Variants in NDFIP2 observed in about 807,000 individuals in gnomAD.
NDFIP2 encodes the protein Nedd4 family interacting protein 2, also known as NEDD4 family-interacting protein 2.
NDFIP2 carries 19 observed loss-of-function variants against 36.0 expected under a neutral mutation model. The ratio of observed to expected loss-of-function variants is 0.53; its 90% CI spans 0.37 to 0.77. The LOEUF is 0.77. Among genes scored for constraint, NDFIP2 ranks in the 30% least tolerant of loss-of-function variants. The pLI is 0.00. For synonymous variants in NDFIP2, 181 were observed against 167.7 expected (o/e 1.08, Z -0.61); for missense variants, 446 against 435.8 (o/e 1.02, Z -0.21).
chr13:79,547,862 AG>A (rs1178214200), intron 5 of NDFIP2, among the ~76,000 whole-genome samples: 1 of 152,148 alleles, frequency 6.6e-6, no homozygotes, highest in Non-Finnish European at 1.5e-5. Flanking sequence ...GGTGTACAGA[AG>A]GTCAAAAGCT....
intron 7 of NDFIP2, among the ~76,000 whole-genome samples, chr13:79,551,919 G>C (rs185416327): frequency 6.6e-6 from 1 of 151,362 alleles, no homozygotes; most frequent in Admixed American, 6.6e-5. Flanking sequence ...ATGTCTACTA[G>C]TACTTAACTT....
At chr13:79,487,228 A>AT (rs1873038166) in intron 1 of NDFIP2, among the ~76,000 whole-genome samples, 1 of 151,836 alleles carries the variant, frequency 6.6e-6, no homozygotes, top group Non-Finnish European at 1.5e-5. Context: ...GACTGTTCTG[A>AT]TTTTTTCACT....
rs1302434547 is a variant in NDFIP2 at position 79,554,044 on chromosome 13, A to T, written c.*1531A>T. The stretch of plus-strand genomic sequence containing the variant: ...TTTATAACCTCTTCTGTATTTTCTA[A>T]TTTTTTCATTGTCTTTGATAAATAA... On this transcript the variant is annotated 3_prime_UTR_variant, in exon 8 of 8. Coordinates refer to ENST00000218652, the MANE Select transcript of NDFIP2 (RefSeq NM_019080.3). 6.6e-6 allele frequency: 1 copy of T among 151,266 alleles called. No homozygotes were observed. The highest frequency in any genetic ancestry group is 1.5e-5 in the Non-Finnish European group (1 of 67,498). The allele number at this position is 151,266 out of a possible 1,614,324, so 9.4% of individuals were successfully genotyped here.
At chr13:79,483,663 T>G (rs1478587988) in intron 1 of NDFIP2, among the ~76,000 whole-genome samples, 2 of 152,222 alleles carry the variant, frequency 1.3e-5, no homozygotes, top group Non-Finnish European at 2.9e-5. Flanking sequence ...AAACAGCTTT[T>G]CATACTGGAA....
chr13:79,520,137 A>G (rs1874511569), intron 1 of NDFIP2, among the ~76,000 whole-genome samples: 1 of 152,076 alleles, frequency 6.6e-6, no homozygotes, highest in South Asian at 2.1e-4. Context: ...GGGAAAACCT[A>G]CTTAGCGTAC....
Position 79,555,628 on chromosome 13 carries a change from T to C in NDFIP2, c.*3115T>C, listed in dbSNP as rs1876083509. 6.6e-6 allele frequency: 1 copy of C among 152,230 alleles called. No individual in the cohort carries two copies. The highest frequency in any genetic ancestry group is 1.5e-5 in the Non-Finnish European group (1 of 67,970). The allele number at this position is 152,230 out of a possible 1,614,324, so 9.4% of individuals were successfully genotyped here. ...TTCCAGCTTATCGTAAATACTAAAC[T>C]GAATGGCTTTTATATTTTTAACTGC... On this transcript the variant is annotated 3_prime_UTR_variant, in exon 8 of 8. Coordinates refer to ENST00000218652, the MANE Select transcript of NDFIP2 (RefSeq NM_019080.3).
In NDFIP2 at chr13:79,507,297, G is replaced by A. The variant is rs1189269140; in HGVS notation, c.322-13513G>A. 2.0e-4 allele frequency among the ~76,000 whole-genome samples: 3 copies of A among 15,284 alleles called. 1 individual carries two copies. Among genetic ancestry groups the A allele is most frequent in the Non-Finnish European group, 2.7e-4 (3 of 11,158 alleles). 10.0% of individuals were successfully genotyped at this position (15,284 alleles called of 152,430 possible). A position where few individuals can be genotyped will look rare whatever the true frequency, so the allele number is the denominator to read the frequency against. On this transcript the variant is annotated intron_variant, in intron 1 of 7. Transcript: ENST00000218652. The stretch of plus-strand genomic sequence containing the variant: ...TTTTTTTTTTTTTTTTTTTTGAGAC[G>A]GAGTCTCGCTCTGTCGCCCAGGCTG...
chr13:79,513,223 A>G (rs942974266), intron 1 of NDFIP2, among the ~76,000 whole-genome samples: 4 of 152,204 alleles, frequency 2.6e-5, no homozygotes, highest in African/African-American at 7.2e-5. Context: ...TAATTCCCAC[A>G]GAAATTACTG....
chr13:79,547,839 A>T lies in NDFIP2; in HGVS notation c.841-489A>T, dbSNP rs574021014. Among the ~76,000 whole-genome samples the T allele has an allele frequency of 2.0e-4, 31 of 152,250 alleles. 1 individual carries two copies. The South Asian group carries it at 6.2e-3, about 31-fold the overall frequency. ...TATGCACCTAGTATTTTTGGCAGTG[A>T]TTAACAGTAGGGGGTGTACAGAAGG... On this transcript the variant is annotated intron_variant, in intron 5 of 7. Transcript: ENST00000218652.
chr13:79,493,660 T>C (rs1873328299), intron 1 of NDFIP2, among the ~76,000 whole-genome samples: 4 of 152,184 alleles, frequency 2.6e-5, no homozygotes, highest in African/African-American at 9.6e-5. Flanking sequence ...ACCGTAAACG[T>C]AGCAACAGAG....
At chr13:79,508,495 A>G (rs2140752402) in intron 1 of NDFIP2, among the ~76,000 whole-genome samples, 1 of 152,336 alleles carries the variant, frequency 6.6e-6, no homozygotes, top group South Asian at 2.1e-4. Context: ...TGGGTGGATC[A>G]TTCATGCCTC....
intron 4 of NDFIP2, among the ~76,000 whole-genome samples, chr13:79,542,673 GACACT>G (rs1875504427): frequency 1.3e-5 from 2 of 151,880 alleles, no homozygotes; most frequent in South Asian, 4.2e-4. Flanking sequence ...GGGTTATCTG[GACACT>G]ACACATCTTG....
rs1876091010 is a variant in NDFIP2 at position 79,555,844 on chromosome 13, G to A, written c.*3331G>A. 1 of 152,102 alleles carries A rather than the reference G, an allele frequency of 6.6e-6. No homozygotes were observed. The highest frequency in any genetic ancestry group is 2.4e-5 in the African/African-American group (1 of 41,426). The allele number at this position is 152,102 out of a possible 1,614,324, so 9.4% of individuals were successfully genotyped here. A position where few individuals can be genotyped will look rare whatever the true frequency, so the allele number is the denominator to read the frequency against. On this transcript the variant is annotated 3_prime_UTR_variant, in exon 8 of 8. Transcript: ENST00000218652. Reference sequence around the variant, plus strand: ...TTGTTAATAAAGTTGTATAGATGTGGAAGTGTGAACCTGTGATGCATCCTT... The same window carrying A: ...TTGTTAATAAAGTTGTATAGATGTGAAAGTGTGAACCTGTGATGCATCCTT...
At chr13:79,482,684 A>G (rs1341852800) in intron 1 of NDFIP2, among the ~76,000 whole-genome samples, 1 of 152,218 alleles carries the variant, frequency 6.6e-6, no homozygotes, top group Non-Finnish European at 1.5e-5. Flanking sequence ...ATATGAAGGA[A>G]CTGTAAGATG....
intron 1 of NDFIP2, among the ~76,000 whole-genome samples, chr13:79,513,135 G>T (rs990742087): frequency 6.6e-6 from 1 of 152,168 alleles, no homozygotes; most frequent in East Asian, 1.9e-4. Context: ...AGCCATGCTG[G>T]CTGGGTACCA....
chr13:79,534,852 C>G (rs969379169), intron 3 of NDFIP2, among the ~76,000 whole-genome samples: 1 of 152,146 alleles, frequency 6.6e-6, no homozygotes, highest in Non-Finnish European at 1.5e-5. Flanking sequence ...TTTCTTTGAT[C>G]AGCAATAACC....
chr13:79,489,430 T>A (rs1243714198), intron 1 of NDFIP2, among the ~76,000 whole-genome samples: 1 of 152,198 alleles, frequency 6.6e-6, no homozygotes, highest in Non-Finnish European at 1.5e-5. Flanking sequence ...AGTATCCTAT[T>A]GGTCAGAGCA....
At chr13:79,497,828 G>T (rs1453240062) in intron 1 of NDFIP2, among the ~76,000 whole-genome samples, 1 of 150,300 alleles carries the variant, frequency 6.7e-6, no homozygotes, top group Non-Finnish European at 1.5e-5. Flanking sequence ...GTGTGTGTGT[G>T]TATGTGTGTA....
chr13:79,513,809 C>G (rs950975713), intron 1 of NDFIP2, among the ~76,000 whole-genome samples: 2 of 151,588 alleles, frequency 1.3e-5, no homozygotes, highest in African/African-American at 4.9e-5. Flanking sequence ...AATTGTAGGA[C>G]AGATTTGTAA....
Sources: allele counts gnomAD v4.1 joint callset (sites outside exome capture counted in the v4.1 genomes callset), GRCh38; gene constraint gnomAD v4.1.1; transcripts MANE v1.5; gene names NCBI Gene and HGNC (gene_info 2026-07-23, HGNC 2026-07-21).